Variants in TRAF3 observed in about 807,000 individuals in gnomAD.
TRAF3 encodes TNF receptor-associated factor 3.
TRAF3 carries 13 observed loss-of-function variants against 62.3 expected under a neutral mutation model. The ratio of observed to expected loss-of-function variants is 0.21; its 90% CI spans 0.14 to 0.33. The LOEUF (loss-of-function observed/expected upper bound fraction) is 0.33, where lower values mean the gene tolerates loss of function less well. TRAF3 is among the 10% of genes least tolerant of loss of function. The pLI is 1.00. For missense variants in TRAF3, 440 were observed against 741.8 expected (o/e 0.59, Z 4.73); for synonymous variants, 269 against 283.4 (o/e 0.95, Z 0.51).
intron 1 of TRAF3, among the ~76,000 whole-genome samples, chr14:102,820,617 T>A (rs1265760818): frequency 5.8e-5 from 2 of 34,398 alleles, no homozygotes; most frequent in East Asian, 1.1e-3. Flanking sequence ...TATATATATT[T>A]TTTTTTTTTT....
intron 1 of TRAF3, among the ~76,000 whole-genome samples, chr14:102,818,856 AT>A: frequency 6.6e-6 from 1 of 152,148 alleles, no homozygotes; most frequent in Non-Finnish European, 1.5e-5. Context: ...TGGTGAGGTG[AT>A]GGATAGATTA....
intron 11 of TRAF3, among the ~76,000 whole-genome samples, chr14:102,904,909 C>A (rs1181815927): frequency 6.6e-6 from 1 of 151,340 alleles, no homozygotes; most frequent in Admixed American, 6.6e-5. Context: ...GTCAGAAGTT[C>A]GAGACCAGCC....
At chr14:102,873,083 A>G (rs1223330734) in intron 4 of TRAF3, among the ~76,000 whole-genome samples, 2 of 152,204 alleles carry the variant, frequency 1.3e-5, no homozygotes, top group African/African-American at 4.8e-5. Flanking sequence ...GCAGGTCACT[A>G]AGTTGTACAA....
chr14:102,864,564 T>C (rs1887873062), intron 2 of TRAF3, among the ~76,000 whole-genome samples: 1 of 152,242 alleles, frequency 6.6e-6, no homozygotes, highest in African/African-American at 2.4e-5. Flanking sequence ...TTTTAGGACA[T>C]ATTAAATTAT....
intron 2 of TRAF3, among the ~76,000 whole-genome samples, chr14:102,868,537 T>TG (rs1424573019): frequency 1.3e-5 from 2 of 152,200 alleles, no homozygotes; most frequent in Non-Finnish European, 2.9e-5. Context: ...CGTAAGGCAC[T>TG]GGGCAAAAAC....
intron 1 of TRAF3, among the ~76,000 whole-genome samples, chr14:102,781,792 ATTTT>A (rs916288245): frequency 1.8e-5 from 2 of 111,242 alleles, no homozygotes; most frequent in African/African-American, 3.5e-5. Context: ...ACGCTTGGCT[ATTTT>A]TTTTTTTTTT....
chr14:102,836,097 G>C (rs985121877), intron 2 of TRAF3, among the ~76,000 whole-genome samples: 2 of 152,146 alleles, frequency 1.3e-5, no homozygotes, highest in African/African-American at 4.8e-5. Context: ...CATTTGGTGG[G>C]TGCTTTGGTC....
intron 1 of TRAF3, among the ~76,000 whole-genome samples, chr14:102,785,220 T>A (rs1212400870): frequency 1.3e-5 from 2 of 152,190 alleles, no homozygotes; most frequent in African/African-American, 4.8e-5. Flanking sequence ...CCATCCAACA[T>A]CTGTTTTGCC....
At chr14:102,834,495 G>A (rs1595344394) in intron 2 of TRAF3, among the ~76,000 whole-genome samples, 1 of 151,776 alleles carries the variant, frequency 6.6e-6, no homozygotes, top group African/African-American at 2.4e-5. Flanking sequence ...TCAGGAGATC[G>A]AGACCACAGT....
intron 1 of TRAF3, among the ~76,000 whole-genome samples, chr14:102,778,593 G>T (rs78672714): frequency 8.6e-6 from 1 of 115,978 alleles, no homozygotes; most frequent in African/African-American, 2.6e-5. Flanking sequence ...CGTGGTGTGT[G>T]TGCCTGTGTG....
chr14:102,898,706 C>T, intron 10 of TRAF3, among the ~76,000 whole-genome samples: 1 of 152,246 alleles, frequency 6.6e-6, no homozygotes, highest in Non-Finnish European at 1.5e-5. Flanking sequence ...TACCAACGCC[C>T]CATCCCAAAC....
chr14:102,820,585 TATATATATATATATATATATATATATATA>T lies in TRAF3; in HGVS notation c.-156-9748_-156-9720del, dbSNP rs1899846998. On this transcript the variant is annotated intron_variant, in intron 1 of 11. Transcript: ENST00000392745. Reference sequence around the variant, plus strand: ...GAAATGGGACCAGCATATATATATATATATATATATATATATATATATATATATATTTTTTTTTTTTTTTTTTTTTTTTT... The same window carrying T: ...GAAATGGGACCAGCATATATATATATTTTTTTTTTTTTTTTTTTTTTTTTT... 1.9e-3 allele frequency among the ~76,000 whole-genome samples: 12 copies of T among 6,256 alleles called. 1 individual carries two copies. Among genetic ancestry groups the T allele is most frequent in the African/African-American group, 4.8e-3 (7 of 1,470 alleles). 4.1% of individuals were successfully genotyped at this position (6,256 alleles called of 152,430 possible). A position where few individuals can be genotyped will look rare whatever the true frequency, so the allele number is the denominator to read the frequency against.
At chr14:102,810,410 A>T (rs920934268) in intron 1 of TRAF3, among the ~76,000 whole-genome samples, 5 of 152,214 alleles carry the variant, frequency 3.3e-5, no homozygotes, top group Non-Finnish European at 7.3e-5. Flanking sequence ...GTGGTGGACC[A>T]TCAGAAGCTT....
intron 1 of TRAF3, among the ~76,000 whole-genome samples, chr14:102,794,769 A>C (rs113719924): frequency 6.6e-6 from 1 of 152,236 alleles, no homozygotes; most frequent in Non-Finnish European, 1.5e-5. Flanking sequence ...CAGTGAGTAC[A>C]TTCTGTGTTC....
intron 1 of TRAF3, among the ~76,000 whole-genome samples, chr14:102,829,593 C>T (rs931445902): frequency 6.6e-6 from 1 of 152,134 alleles, no homozygotes; most frequent in African/African-American, 2.4e-5. Context: ...CAGTTGCAGC[C>T]GCATGTGCTG....
chr14:102,892,337 C>T (rs1294551757), intron 9 of TRAF3, among the ~76,000 whole-genome samples: 2 of 152,184 alleles, frequency 1.3e-5, no homozygotes, highest in Non-Finnish European at 2.9e-5. Context: ...GGATGACAGG[C>T]GTGAGCCACC....
chr14:102,899,122 C>T (rs979270220), intron 10 of TRAF3, among the ~76,000 whole-genome samples: 1 of 152,178 alleles, frequency 6.6e-6, no homozygotes, highest in Non-Finnish European at 1.5e-5. Flanking sequence ...TCCATGTGAC[C>T]TGTTGAGCAG....
At chr14:102,806,845 A>G (rs1176819790) in intron 1 of TRAF3, among the ~76,000 whole-genome samples, 1 of 152,138 alleles carries the variant, frequency 6.6e-6, no homozygotes, top group African/African-American at 2.4e-5. Flanking sequence ...ACAAACCTTG[A>G]GAGTGAGTGA....
chr14:102,874,561 C>T (rs1490100440), intron 4 of TRAF3, among the ~76,000 whole-genome samples: 1 of 151,824 alleles, frequency 6.6e-6, no homozygotes, highest in Non-Finnish European at 1.5e-5. Context: ...TCCCAGTCAA[C>T]CCTGTCTCTT....
Sources: allele counts gnomAD v4.1 joint callset (sites outside exome capture counted in the v4.1 genomes callset), GRCh38; gene constraint gnomAD v4.1.1; transcripts MANE v1.5; gene names NCBI Gene and HGNC (gene_info 2026-07-23, HGNC 2026-07-21).